The following ANK2 variants were observed in gnomAD, a reference collection of about 807,000 sequenced individuals.
ANK2 encodes the protein ankyrin-2.
In ANK2, 83 loss-of-function variants were observed where a neutral mutation model predicts 360.5. That is an observed-to-expected ratio of 0.23 (90% CI 0.19 to 0.28). The LOEUF is 0.28. ANK2 is among the 10% of genes least tolerant of loss of function. The pLI, the probability that ANK2 is intolerant of heterozygous loss-of-function variation, is 1.00. For synonymous variants in ANK2, 1,740 were observed against 1,759.5 expected (o/e 0.99, Z 0.28); for missense variants, 4,201 against 4,795.7 (o/e 0.88, Z 3.66).
At chr4:112,833,366 T>C (rs2060228224) in intron 1 of ANK2, among the ~76,000 whole-genome samples, 1 of 152,220 alleles carries the variant, frequency 6.6e-6, no homozygotes. Flanking sequence ...AGGGCAATTT[T>C]TGCAAGATAA....
intron 2 of ANK2, among the ~76,000 whole-genome samples, chr4:112,921,443 A>G (rs1397428966): frequency 2.2e-5 from 3 of 138,306 alleles, no homozygotes; most frequent in Admixed American, 7.6e-5. Context: ...AATTATTTTG[A>G]GGATTGTGAG....
Position 113,311,849 on chromosome 4 carries a change from A to T in ANK2, c.2693+450A>T, listed in dbSNP as rs115351073. Among the ~76,000 whole-genome samples the T allele has an allele frequency of 6.8e-3, 1,032 of 152,340 alleles. 7 individuals are homozygous for T. The highest frequency in any genetic ancestry group is 0.024 in the African/African-American group (982 of 41,572). ...TATGTTGTGAGGCTGAATTAAAAAG[A>T]AATACATTCAGAACAAAACTGCCTG... On this transcript the variant is annotated intron_variant, in intron 24 of 45. Transcript: ENST00000357077.
intron 2 of ANK2, among the ~76,000 whole-genome samples, chr4:112,930,654 C>T (rs955310530): frequency 2.6e-5 from 4 of 151,432 alleles, no homozygotes; most frequent in Non-Finnish European, 5.9e-5. Context: ...TTTGGGAGGC[C>T]GAGGAGGGCA....
chr4:113,354,427 T>G lies in ANK2; in HGVS notation c.5809T>G (p.Leu1937Val). 2.5e-6 allele frequency: 4 copies of G among 1,613,982 alleles called. No homozygotes were observed. Among genetic ancestry groups the G allele is most frequent in the Non-Finnish European group, 3.4e-6 (4 of 1,179,942 alleles). The change falls in exon 38 of 46, where the codon TTG becomes GTG. Residue 1937 changes from leucine (L) to valine (V), a missense_variant. Leu to Val is a conservative substitution (Grantham distance 32). Coordinates refer to ENST00000357077, the MANE Select transcript of ANK2 (RefSeq NM_001148.6). The stretch of plus-strand genomic sequence containing the variant: ...ATCGCCTGGGAGAACAGAAAAACGC[T>G]TGCCTGTTTCACCCTCCGGAAGAAC... ...PVSPGRTEKRLPVSPSGRTDK... is the reference protein window; with the variant it reads ...PVSPGRTEKRVPVSPSGRTDK...
intron 2 of ANK2, among the ~76,000 whole-genome samples, chr4:112,990,954 C>A (rs1376845897): frequency 6.6e-6 from 1 of 152,054 alleles, no homozygotes; most frequent in Non-Finnish European, 1.5e-5. Flanking sequence ...AATTTTCTTT[C>A]TTTGAAATCC....
At chr4:112,935,754 A>T (rs2093668394) in intron 2 of ANK2, among the ~76,000 whole-genome samples, 1 of 152,138 alleles carries the variant, frequency 6.6e-6, no homozygotes, top group African/African-American at 2.4e-5. Context: ...AAGCAAAAGA[A>T]TTGCTTGAAC....
chr4:113,302,687 T>A (rs2075562891), intron 22 of ANK2, 80 bp from the exon 23 acceptor site: 2 of 1,077,714 alleles, frequency 1.9e-6, no homozygotes, highest in African/African-American at 3.1e-5. Context: ...TGCTGTTGAG[T>A]GTGGCCTCCT....
intron 2 of ANK2, among the ~76,000 whole-genome samples, chr4:112,947,165 C>T (rs189750347): frequency 1.3e-5 from 2 of 152,258 alleles, no homozygotes; most frequent in Admixed American, 6.5e-5. Flanking sequence ...ATTTAACCCC[C>T]ATTATTCTTA....
rs142762570 is a variant in ANK2 at position 113,072,765 on chromosome 4, T to TTTTTTG, written c.84+22953_84+22954insTTTTTG. On this transcript the variant is annotated intron_variant, in intron 1 of 45. Transcript: ENST00000357077. ...TAATTTTTTTTTTTTTTTTTTTTTTTGCTGTCTTGTCTCTCCAGCAAGTGT... is the reference window on the plus strand; with the variant it reads ...TAATTTTTTTTTTTTTTTTTTTTTTTTTTTTGGCTGTCTTGTCTCTCCAGCAAGTGT... 2.6e-3 allele frequency among the ~76,000 whole-genome samples: 310 copies of TTTTTTG among 121,174 alleles called. 6 individuals carry two copies. Among genetic ancestry groups the TTTTTTG allele is most frequent in the Middle Eastern group, 5.2e-3 (1 of 192 alleles). 79.5% of individuals were successfully genotyped at this position (121,174 alleles called of 152,430 possible).
At chr4:112,713,918 A>T in the ANK2 span, among the ~76,000 whole-genome samples, 4 of 144,040 alleles carry the variant, frequency 2.8e-5, no homozygotes, top group African/African-American at 1.1e-4. Context: ...TGGGCGACAG[A>T]GCGAGACTCC....
At chr4:113,220,441 ACTT>A (rs1387579968) in intron 4 of ANK2, among the ~76,000 whole-genome samples, 18 of 152,098 alleles carry the variant, frequency 1.2e-4, no homozygotes, top group Admixed American at 7.2e-4. Context: ...ACAAATACCC[ACTT>A]CTATAGCTTG....
chr4:113,051,006 A>G (rs564424033), intron 1 of ANK2, among the ~76,000 whole-genome samples: 1 of 152,296 alleles, frequency 6.6e-6, no homozygotes, highest in South Asian at 2.1e-4. Context: ...ATTTTTAATC[A>G]TAGCGTAGAG....
At chr4:113,323,566 C>T (rs1054187364) in intron 26 of ANK2, among the ~76,000 whole-genome samples, 5 of 152,040 alleles carry the variant, frequency 3.3e-5, no homozygotes, top group African/African-American at 1.2e-4. Context: ...TTATAATATC[C>T]CCAGTTCTCT....
Position 113,357,064 on chromosome 4 carries a change from G to C in ANK2, c.8446G>C (p.Gly2816Arg). ...CTATAAAGAATCATTAGCTCTCCAA[G>C]GCACTCATGAAAAAGACACAGAGGG... ...VIYKESLALQ[G>R]THEKDTEGEE... Residue 2816 changes from glycine to arginine, a missense_variant, in exon 38 of 46, where the codon GGC (glycine) becomes CGC (arginine). Gly to Arg is a moderately radical substitution (Grantham distance 125, BLOSUM62 -2). Around this residue, in one of 4 missense-constraint regions of ANK2, gnomAD observed 2,642 missense variants for 2,714.5 expected, o/e 0.97. Coordinates refer to ENST00000357077, the MANE Select transcript of ANK2 (RefSeq NM_001148.6). 2 of 1,614,032 alleles carry C rather than the reference G, an allele frequency of 1.2e-6. No homozygotes were observed. The highest frequency in any genetic ancestry group is 8.5e-7 in the Non-Finnish European group (1 of 1,179,946).
At chr4:113,252,115 G>C (rs1284605748) in intron 10 of ANK2, among the ~76,000 whole-genome samples, 1 of 152,180 alleles carries the variant, frequency 6.6e-6, no homozygotes, top group African/African-American at 2.4e-5. Context: ...TCACAATCAT[G>C]GCAGAAGGTG....
At chr4:112,760,208 A>G in the ANK2 span, among the ~76,000 whole-genome samples, 1 of 140,800 alleles carries the variant, frequency 7.1e-6, no homozygotes, top group African/African-American at 2.7e-5. Context: ...TTTTTTTGAG[A>G]CGGAGTCTCG....
At chr4:113,380,624 T>C (rs2097139280) in intron 45 of ANK2, among the ~76,000 whole-genome samples, 2 of 152,240 alleles carry the variant, frequency 1.3e-5, no homozygotes, top group Admixed American at 1.3e-4. Context: ...ATCGCACCAA[T>C]GCACTCCAGC....
the ANK2 span, among the ~76,000 whole-genome samples, chr4:112,746,429 A>G: frequency 6.6e-6 from 1 of 151,638 alleles, no homozygotes; most frequent in African/African-American, 2.4e-5. Context: ...AATCGCTTGA[A>G]CACGGGAGGT....
chr4:113,174,526 A>G lies in ANK2; in HGVS notation c.186+9A>G. On this transcript the variant is annotated intron_variant, in intron 2 of 45. Coordinates refer to ENST00000357077, the MANE Select transcript of ANK2 (RefSeq NM_001148.6). ...TCAATACCTGCAATCAGGTAAGAAC[A>G]TGGCAGCTAGCTCTGTGTTGTGCAA... 2 of 1,576,834 alleles carry G rather than the reference A, an allele frequency of 1.3e-6. No individual in the cohort carries two copies. Among genetic ancestry groups the G allele is most frequent in the African/African-American group, 2.7e-5 (2 of 74,294 alleles).
Sources: allele counts gnomAD v4.1 joint callset (sites outside exome capture counted in the v4.1 genomes callset), GRCh38; gene constraint gnomAD v4.1.1; regional missense constraint gnomAD v4.1.1; transcripts MANE v1.5; gene names NCBI Gene and HGNC (gene_info 2026-07-23, HGNC 2026-07-21).